Variants in THSD4 observed in about 807,000 individuals in gnomAD.
The protein encoded by THSD4 is thrombospondin type 1 domain containing 4, also known as thrombospondin type-1 domain-containing protein 4.
THSD4 carries 69 observed loss-of-function variants against 119.0 expected under a neutral mutation model. The ratio of observed to expected loss-of-function variants is 0.58; its 90% CI spans 0.48 to 0.71. The LOEUF (loss-of-function observed/expected upper bound fraction) is 0.71. Ranked by LOEUF, THSD4 falls within the 30% of genes least tolerant of loss-of-function variation. The pLI is 0.00. For synonymous variants in THSD4, 524 were observed against 540.4 expected (o/e 0.97, Z 0.42); for missense variants, 1,393 against 1,391.1 (o/e 1.00, Z -0.02).
chr15:71,337,837 T>G (rs745955997), intron 6 of THSD4, among the ~76,000 whole-genome samples: 1 of 152,080 alleles, frequency 6.6e-6, no homozygotes, highest in Non-Finnish European at 1.5e-5. Context: ...CAATGTGATG[T>G]AGGCAGAAAT....
intron 15 of THSD4, among the ~76,000 whole-genome samples, chr15:71,758,407 G>T (rs1257086187): frequency 1.3e-5 from 2 of 152,182 alleles, no homozygotes; most frequent in African/African-American, 4.8e-5. Context: ...ATTTTTAGAA[G>T]AAATGAAATT....
At chr15:71,614,835 G>A (rs2050293570) in intron 7 of THSD4, among the ~76,000 whole-genome samples, 2 of 152,108 alleles carry the variant, frequency 1.3e-5, no homozygotes, top group South Asian at 4.1e-4. Context: ...AAGGAGAGAG[G>A]CAGTCAGCTG....
chr15:71,406,612 ATTTC>A (rs1351137612), intron 6 of THSD4, among the ~76,000 whole-genome samples: 6 of 142,852 alleles, frequency 4.2e-5, no homozygotes, highest in South Asian at 4.4e-4. Context: ...ATTATTGTCT[ATTTC>A]TTCTTTCAGT....
At chr15:71,309,713 G>A (rs908340) in intron 6 of THSD4, among the ~76,000 whole-genome samples, 136,736 of 152,238 alleles carry the variant, frequency 0.9, 62,826 homozygotes, top group East Asian at 1. Flanking sequence ...ATATCCAGTT[G>A]TCCAACCACA....
intron 6 of THSD4, among the ~76,000 whole-genome samples, chr15:71,315,795 T>A (rs755487727): frequency 5.9e-5 from 9 of 152,194 alleles, no homozygotes; most frequent in Admixed American, 1.3e-4. Flanking sequence ...ATGCTTCAGT[T>A]TCAGGAGGTG....
intron 4 of THSD4, among the ~76,000 whole-genome samples, chr15:71,225,958 A>G (rs2044014904): frequency 6.6e-6 from 1 of 151,988 alleles, no homozygotes; most frequent in Non-Finnish European, 1.5e-5. Flanking sequence ...TTTTCTTTAA[A>G]GTGTTGTTCA....
At position 71,626,651 on chromosome 15, in the gene THSD4, G is replaced by T. The variant is rs140512451; in HGVS notation, c.1153-33879G>T. Reference sequence around the variant, plus strand: ...AATGATGGAATGAATTACATTTAGAGATTTTATCCGATTTTGTACTATCCT... The same window carrying T: ...AATGATGGAATGAATTACATTTAGATATTTTATCCGATTTTGTACTATCCT... On this transcript the variant is annotated intron_variant, in intron 7 of 17. Coordinates refer to ENST00000261862, the MANE Select transcript of THSD4 (RefSeq NM_024817.3). Among the ~76,000 whole-genome samples, 433 of 152,272 alleles carry T rather than the reference G, an allele frequency of 2.8e-3. 2 individuals are homozygous for T. Among genetic ancestry groups the T allele is most frequent in the East Asian group, 0.011 (55 of 5,192 alleles).
At chr15:71,552,494 G>A (rs2048947382) in intron 7 of THSD4, among the ~76,000 whole-genome samples, 2 of 152,168 alleles carry the variant, frequency 1.3e-5, no homozygotes, top group African/African-American at 2.4e-5. Context: ...CTATTTCGTG[G>A]TACACAATTC....
At chr15:71,237,702 GGGATCTTGGCA>G (rs1407223941) in intron 4 of THSD4, among the ~76,000 whole-genome samples, 2 of 152,286 alleles carry the variant, frequency 1.3e-5, no homozygotes, top group Admixed American at 1.3e-4. Context: ...GCTCGGGAGA[GGGATCTTGGCA>G]GGAAACAGAA....
intron 6 of THSD4, among the ~76,000 whole-genome samples, chr15:71,258,079 C>T (rs1013366795): frequency 1.3e-5 from 2 of 152,088 alleles, no homozygotes; most frequent in African/African-American, 2.4e-5. Context: ...AGAAAAAGGG[C>T]ATTGTTGGAA....
intron 3 of THSD4, among the ~76,000 whole-genome samples, chr15:71,182,433 C>T (rs555179845): frequency 6.6e-6 from 1 of 151,820 alleles, no homozygotes; most frequent in East Asian, 1.9e-4. Flanking sequence ...TGCGCTTCAA[C>T]CATAATGAAG....
chr15:71,288,493 G>A (rs2044748081), intron 6 of THSD4, among the ~76,000 whole-genome samples: 1 of 152,154 alleles, frequency 6.6e-6, no homozygotes, highest in African/African-American at 2.4e-5. Context: ...GAACAAGTGA[G>A]GGTGGGGGCT....
chr15:71,296,726 G>C (rs565875424), intron 6 of THSD4, among the ~76,000 whole-genome samples: 51 of 152,226 alleles, frequency 3.4e-4, no homozygotes, highest in African/African-American at 1.2e-3. Flanking sequence ...TAAAATCAAG[G>C]GTCCAGTTTT....
intron 1 of THSD4, among the ~76,000 whole-genome samples, chr15:71,127,220 C>T (rs927964062): frequency 1.3e-5 from 2 of 152,154 alleles, no homozygotes; most frequent in African/African-American, 4.8e-5. Context: ...GCTTAATGTC[C>T]TGCAGGTTCA....
At chr15:71,597,120 C>T (rs996574261) in intron 7 of THSD4, among the ~76,000 whole-genome samples, 2 of 151,930 alleles carry the variant, frequency 1.3e-5, no homozygotes, top group Non-Finnish European at 2.9e-5. Context: ...TTGTTTTAAT[C>T]TTGTTTCTGG....
intron 4 of THSD4, among the ~76,000 whole-genome samples, chr15:71,229,837 C>T (rs760611919): frequency 9.2e-5 from 14 of 152,134 alleles, no homozygotes; most frequent in East Asian, 1.9e-4. Flanking sequence ...ATTATGCTTG[C>T]GATGCTTCAT....
intron 15 of THSD4, among the ~76,000 whole-genome samples, chr15:71,762,325 A>G (rs1179120523): frequency 6.6e-6 from 1 of 152,264 alleles, no homozygotes; most frequent in Admixed American, 6.5e-5. Context: ...TGCCAAAAAT[A>G]GCAGAAGATA....
chr15:71,607,875 C>T (rs1000312679), intron 7 of THSD4, among the ~76,000 whole-genome samples: 7 of 152,134 alleles, frequency 4.6e-5, no homozygotes, highest in African/African-American at 1.7e-4. Flanking sequence ...CTAACAGTCT[C>T]TTTGCCAAGG....
At chr15:71,247,433 A>G (rs35683356) in intron 5 of THSD4, among the ~76,000 whole-genome samples, 17,921 of 152,240 alleles carry the variant, frequency 0.12, 1,467 homozygotes, top group Middle Eastern at 0.23. Flanking sequence ...GAGTCCAGTA[A>G]GAGGGATAGA....
Sources: allele counts gnomAD v4.1 joint callset (sites outside exome capture counted in the v4.1 genomes callset), GRCh38; gene constraint gnomAD v4.1.1; transcripts MANE v1.5; gene names NCBI Gene and HGNC (gene_info 2026-07-23, HGNC 2026-07-21).